CARMIL1: variants seen among roughly 807,000 people sequenced by gnomAD.
CARMIL1 encodes F-actin-uncapping protein LRRC16A.
Under a neutral mutation model 177.1 loss-of-function variants are expected in CARMIL1, and 90 were observed. That is an observed-to-expected ratio of 0.51 (90% CI 0.43 to 0.61). The LOEUF is 0.61. Ranked by LOEUF, CARMIL1 falls within the 20% of genes least tolerant of loss-of-function variation. CARMIL1 has a pLI of 0.00. For synonymous variants in CARMIL1, 577 were observed against 606.2 expected (o/e 0.95, Z 0.71); for missense variants, 1,380 against 1,667.0 (o/e 0.83, Z 3.00).
intron 8 of CARMIL1, among the ~76,000 whole-genome samples, chr6:25,454,845 G>T (rs551968656): frequency 6.6e-6 from 1 of 152,176 alleles, no homozygotes; most frequent in Non-Finnish European, 1.5e-5. Context: ...CACTTAAATG[G>T]TACAGTTGTA....
At chr6:25,464,722 A>G (rs1800441235) in intron 8 of CARMIL1, among the ~76,000 whole-genome samples, 1 of 152,228 alleles carries the variant, frequency 6.6e-6, no homozygotes, top group Non-Finnish European at 1.5e-5. Context: ...ATAATATAAG[A>G]TAGAATAAAT....
intron 2 of CARMIL1, among the ~76,000 whole-genome samples, chr6:25,417,914 T>A (rs1795501055): frequency 1.3e-5 from 2 of 152,106 alleles, no homozygotes; most frequent in African/African-American, 2.4e-5. Context: ...CACCTATTCA[T>A]GGCACATAGA....
At chr6:25,550,839 C>G in intron 26 of CARMIL1, 71 bp from the exon 27 acceptor site, 1 of 1,405,800 alleles carries the variant, frequency 7.1e-7, no homozygotes, top group Non-Finnish European at 9.9e-7. Flanking sequence ...ATATAACCAC[C>G]TTTCAGTTTT....
chr6:25,316,437 T>C (rs1349851882), intron 2 of CARMIL1, among the ~76,000 whole-genome samples: 1 of 140,952 alleles, frequency 7.1e-6, no homozygotes, highest in Non-Finnish European at 1.6e-5. Flanking sequence ...TTTTTTTTTT[T>C]GAGACGGAGT....
intron 29 of CARMIL1, among the ~76,000 whole-genome samples, chr6:25,568,665 A>G (rs773160545): frequency 5.9e-5 from 9 of 152,200 alleles, no homozygotes; most frequent in Non-Finnish European, 1.0e-4. Context: ...GCCAAACTCA[A>G]TTCAGCATGG....
At chr6:25,283,909 G>C (rs1781331517) in intron 1 of CARMIL1, among the ~76,000 whole-genome samples, 1 of 151,986 alleles carries the variant, frequency 6.6e-6, no homozygotes, top group Non-Finnish European at 1.5e-5. Context: ...GTAGAGGCAG[G>C]GTTTATCCAT....
At chr6:25,495,007 C>T in intron 15 of CARMIL1, 104 bp from the exon 16 acceptor site, 1 of 647,818 alleles carries the variant, frequency 1.5e-6, no homozygotes, top group South Asian at 2.2e-5. Context: ...TTTTAAATTT[C>T]TGCAGAAAAT....
In CARMIL1 at chr6:25,509,877, A is replaced by C. The variant is rs192947953; in HGVS notation, c.1477+140A>C. ...TATTTTTTGACTAATAGGGCTTTTA[A>C]ATTTAACAATGGGGTATATTTGTAG... On this transcript the variant is annotated intron_variant, in intron 18 of 36. Transcript: ENST00000329474. The surrounding 1 kb of genome is among the most constrained non-coding windows in gnomAD (Gnocchi z 4.1). 2.5e-5 allele frequency: 15 copies of C among 605,850 alleles called. No homozygotes were observed. The highest frequency in any genetic ancestry group is 2.2e-4 in the African/African-American group (12 of 53,774). 37.5% of individuals were successfully genotyped at this position (605,850 alleles called of 1,614,324 possible).
intron 22 of CARMIL1, among the ~76,000 whole-genome samples, chr6:25,519,593 G>T (rs556610971): frequency 1.3e-5 from 2 of 152,168 alleles, no homozygotes; most frequent in African/African-American, 4.8e-5. Context: ...CTCGAGCCTG[G>T]TGGACATTAG....
At chr6:25,569,466 T>G (rs1359248275) in intron 29 of CARMIL1, among the ~76,000 whole-genome samples, 1 of 152,200 alleles carries the variant, frequency 6.6e-6, no homozygotes. Context: ...GATTACTGAT[T>G]GATTACCACA....
At chr6:25,332,779 A>G (rs1179760055) in intron 2 of CARMIL1, among the ~76,000 whole-genome samples, 1 of 149,634 alleles carries the variant, frequency 6.7e-6, no homozygotes, top group East Asian at 1.9e-4. Context: ...ACACGCGCAC[A>G]CACACACACA....
intron 2 of CARMIL1, among the ~76,000 whole-genome samples, chr6:25,347,501 C>T (rs999423887): frequency 6.6e-6 from 1 of 152,180 alleles, no homozygotes; most frequent in Non-Finnish European, 1.5e-5. Context: ...CAGAGCAATT[C>T]ATATTTCTGC....
intron 24 of CARMIL1, among the ~76,000 whole-genome samples, chr6:25,530,714 T>C (rs1025371370): frequency 6.6e-6 from 1 of 152,124 alleles, no homozygotes; most frequent in Admixed American, 6.5e-5. Context: ...TTGAATAAAT[T>C]CTCAAACAGA....
rs188085159 is a variant in CARMIL1, at chr6:25,280,209, C to T, written c.40+374C>T. Among the ~76,000 whole-genome samples, 1,123 of 151,636 alleles carry T rather than the reference C, an allele frequency of 7.4e-3. 12 individuals are homozygous for T. Among genetic ancestry groups the T allele is most frequent in the African/African-American group, 0.023 (940 of 40,976 alleles). On this transcript the variant is annotated intron_variant, in intron 1 of 36. Transcript: ENST00000329474. Reference sequence around the variant, plus strand: ...GAGGGGAGCCCTTTACAGCTCCCAGCCCACTGCCCCAAACTCGGGAAAGTC... The same window carrying T: ...GAGGGGAGCCCTTTACAGCTCCCAGTCCACTGCCCCAAACTCGGGAAAGTC...
At chr6:25,504,470 TA>T (rs1165706662) in intron 17 of CARMIL1, among the ~76,000 whole-genome samples, 8 of 151,444 alleles carry the variant, frequency 5.3e-5, no homozygotes, top group Non-Finnish European at 1.2e-4. Flanking sequence ...TTCATGCTAT[TA>T]AAAAAAAAGT....
At chr6:25,381,469 CT>C (rs1236995668) in intron 2 of CARMIL1, among the ~76,000 whole-genome samples, 1 of 152,222 alleles carries the variant, frequency 6.6e-6, no homozygotes, top group African/African-American at 2.4e-5. Context: ...CTCTTCTCCA[CT>C]TTAGATGCCA....
chr6:25,526,801 C>T lies in CARMIL1; in HGVS notation c.1969-1994C>T, dbSNP rs548426925. 4.6e-5 allele frequency among the ~76,000 whole-genome samples: 7 copies of T among 152,282 alleles called. No homozygotes were observed. The East Asian group carries it at 1.3e-3, about 29-fold the overall frequency. ...CTCCTGGGCTCAAGTGATCCTCCTG[C>T]CTCAGCCTCCCAAAGTGTTGGGATT... On this transcript the variant is annotated intron_variant, in intron 23 of 36. Transcript: ENST00000329474.
intron 2 of CARMIL1, among the ~76,000 whole-genome samples, chr6:25,303,667 C>CAAGTTATTTTAGTGTGTTA (rs1783043740): frequency 1.3e-5 from 2 of 152,236 alleles, no homozygotes; most frequent in East Asian, 3.8e-4. Flanking sequence ...CACAAAGGGA[C>CAAGTTATTTTAGTGTGTTA]TCTGTTTTAG....
At chr6:25,323,842 T>A (rs1784867049) in intron 2 of CARMIL1, among the ~76,000 whole-genome samples, 1 of 152,230 alleles carries the variant, frequency 6.6e-6, no homozygotes, top group South Asian at 2.1e-4. Flanking sequence ...TTTTTTCCCT[T>A]TCAACTATAG....
Sources: gnomAD v4.1 joint callset for allele counts (sites outside exome capture counted in the v4.1 genomes callset) on GRCh38, gnomAD v4.1.1 for gene constraint, Gnocchi (gnomAD v3.1) non-coding constraint, MANE v1.5 for transcripts, NCBI Gene and HGNC (gene_info 2026-07-23, HGNC 2026-07-21) for gene names.